FZD3: variants seen among roughly 807,000 people sequenced by gnomAD.
FZD3 encodes the protein frizzled class receptor 3.
FZD3 carries 30 observed loss-of-function variants against 60.7 expected under a neutral mutation model. That is an observed-to-expected ratio of 0.49 (90% confidence interval 0.37 to 0.67). The LOEUF (loss-of-function observed/expected upper bound fraction) is 0.67. Ranked by LOEUF, FZD3 falls within the 30% of genes least tolerant of loss-of-function variation. The pLI is 0.00. For synonymous variants in FZD3, 246 were observed against 275.2 expected (o/e 0.89, Z 1.05); for missense variants, 605 against 838.7 (o/e 0.72, Z 3.44).
At chr8:28,501,364 G>A (rs1295397629) in intron 2 of FZD3, among the ~76,000 whole-genome samples, 1 of 152,188 alleles carries the variant, frequency 6.6e-6, no homozygotes, top group African/African-American at 2.4e-5. Flanking sequence ...GTCATTGATA[G>A]TTAATGCACA....
chr8:28,526,552 T>C (rs1804719419), intron 4 of FZD3, among the ~76,000 whole-genome samples: 1 of 152,190 alleles, frequency 6.6e-6, no homozygotes, highest in South Asian at 2.1e-4. Flanking sequence ...GATTCAAGGA[T>C]AGAGATCTGT....
At chr8:28,555,280 A>G (rs1205277312) in intron 6 of FZD3, among the ~76,000 whole-genome samples, 1 of 152,222 alleles carries the variant, frequency 6.6e-6, no homozygotes, top group Non-Finnish European at 1.5e-5. Flanking sequence ...TGAAGCCTCT[A>G]CTAGTTTTAT....
intron 5 of FZD3, among the ~76,000 whole-genome samples, chr8:28,548,673 A>G (rs920932921): frequency 7.9e-5 from 12 of 152,138 alleles, no homozygotes; most frequent in Admixed American, 4.6e-4. Flanking sequence ...TTAATGATGT[A>G]TTTCTCTTCT....
intron 5 of FZD3, among the ~76,000 whole-genome samples, chr8:28,539,106 AC>A (rs1805095154): frequency 6.6e-6 from 1 of 152,090 alleles, no homozygotes; most frequent in Admixed American, 6.5e-5. Context: ...GGGATCCCCT[AC>A]CCCCGAGCGA....
At position 28,497,593 on chromosome 8, in the gene FZD3, C is replaced by A. The variant is rs558101028; in HGVS notation, c.-390-2340C>A. 2.6e-5 allele frequency among the ~76,000 whole-genome samples: 4 copies of A among 152,304 alleles called. No individual in the cohort carries two copies. In the South Asian group the frequency reaches 8.3e-4, roughly 32 times the overall value. On this transcript the variant is annotated intron_variant, in intron 1 of 7. Coordinates refer to ENST00000240093, the MANE Select transcript of FZD3 (RefSeq NM_017412.4). Reference sequence around the variant, plus strand: ...GTAACCAGCATTTACTTTGAAACAACCTTTAGATGATCTTTCTCAATTGGA... The same window carrying A: ...GTAACCAGCATTTACTTTGAAACAAACTTTAGATGATCTTTCTCAATTGGA...
rs757143113 is a variant in FZD3, at chr8:28,520,697, A to G, written c.249A>G (p.Ala83=). The stretch of plus-strand genomic sequence containing the variant: ...GGGATTTCCGGCCTTTTCTTTGTGC[A>G]CTCTACGCTCCTATTTGTATGGAAT... ...CSRDFRPFLC[A]LYAPICMEYG... Residue 83 remains alanine (A), a synonymous_variant, in exon 4 of 8, where the codon GCA becomes GCG. Coordinates refer to ENST00000240093, the MANE Select transcript of FZD3 (RefSeq NM_017412.4). 3.1e-6 allele frequency: 5 copies of G among 1,608,508 alleles called. No individual in the cohort carries two copies. Among genetic ancestry groups the G allele is most frequent in the East Asian group, 4.5e-5 (2 of 44,740 alleles).
chr8:28,562,519 G>C (rs758863441), intron 7 of FZD3, among the ~76,000 whole-genome samples: 1 of 152,034 alleles, frequency 6.6e-6, no homozygotes, highest in African/African-American at 2.4e-5. Flanking sequence ...TATCCATATC[G>C]AGTGCAGCTT....
At position 28,572,235 on chromosome 8, in the gene FZD3, T is replaced by G. The variant is rs1407144949; in HGVS notation, c.*9224T>G. 1 of 152,202 alleles carries G rather than the reference T, an allele frequency of 6.6e-6. No individual in the cohort carries two copies. The highest frequency in any genetic ancestry group is 2.4e-5 in the African/African-American group (1 of 41,448). The allele number at this position is 152,202 out of a possible 1,614,324, so 9.4% of individuals were successfully genotyped here. A position where few individuals can be genotyped will look rare whatever the true frequency, so the allele number is the denominator to read the frequency against. On this transcript the variant is annotated 3_prime_UTR_variant, in exon 8 of 8. Coordinates refer to ENST00000240093, the MANE Select transcript of FZD3 (RefSeq NM_017412.4). ...ATTATTCTGAACTATCTGAAATTGC[T>G]GGTTTTATTGGTCAAAAATGATCAG... is the stretch of plus-strand genomic sequence containing the variant.
At chr8:28,494,560 G>A (rs1364200195) in intron 1 of FZD3, among the ~76,000 whole-genome samples, 1 of 151,988 alleles carries the variant, frequency 6.6e-6, no homozygotes, top group African/African-American at 2.4e-5. Context: ...GCTGCGGAGC[G>A]GGGGCCCGGG....
At chr8:28,553,736 C>A (rs2164758) in intron 6 of FZD3, among the ~76,000 whole-genome samples, 19 of 151,986 alleles carry the variant, frequency 1.3e-4, no homozygotes, top group Non-Finnish European at 1.2e-4. Flanking sequence ...GTGGCAGCCC[C>A]TTATTCTGGC....
intron 3 of FZD3, among the ~76,000 whole-genome samples, chr8:28,515,303 G>A (rs146122450): frequency 7.9e-4 from 121 of 152,302 alleles, no homozygotes; most frequent in African/African-American, 2.9e-3. Context: ...TCAACTGAGG[G>A]ACGTAAGGCA....
rs1384016287 is a variant in FZD3, at chr8:28,570,118, T to C, written c.*7107T>C. ...CATTTGAAATATTATTAGAGATCAA[T>C]GTGGCTTGTTATTTTTAATTTTTTT... On this transcript the variant is annotated 3_prime_UTR_variant, in exon 8 of 8. Transcript: ENST00000240093. 1 of 152,226 alleles carries C rather than the reference T, an allele frequency of 6.6e-6. No individual in the cohort carries two copies. The highest frequency in any genetic ancestry group is 1.5e-5 in the Non-Finnish European group (1 of 68,030). 9.4% of individuals were successfully genotyped at this position (152,226 alleles called of 1,614,324 possible). A position where few individuals can be genotyped will look rare whatever the true frequency, so the allele number is the denominator to read the frequency against.
intron 7 of FZD3, among the ~76,000 whole-genome samples, chr8:28,556,205 G>A (rs1805505753): frequency 6.6e-6 from 1 of 152,162 alleles, no homozygotes. Flanking sequence ...AAAAGACAGG[G>A]TAAAAGTGGT....
At chr8:28,513,395 C>T (rs566941485) in intron 3 of FZD3, among the ~76,000 whole-genome samples, 34 of 152,146 alleles carry the variant, frequency 2.2e-4, no homozygotes, top group East Asian at 1.9e-4. Flanking sequence ...CATATTCTTC[C>T]GTGATAATGA....
chr8:28,504,155 C>T (rs955915627), intron 3 of FZD3, among the ~76,000 whole-genome samples: 2 of 152,050 alleles, frequency 1.3e-5, no homozygotes, highest in Non-Finnish European at 2.9e-5. Flanking sequence ...GGGAGACTAA[C>T]CTAAGTCTAA....
At position 28,557,209 on chromosome 8, in the gene FZD3, C is replaced by CA. The variant is rs34146681; in HGVS notation, c.1787+1255dup. On this transcript the variant is annotated intron_variant, in intron 7 of 7. Transcript: ENST00000240093. ...GGGCAACAAGAGCAAAACTCTGTCT[C>CA]AAAAAAAAAAAAAAAAAGAAGAAGA... is the stretch of plus-strand genomic sequence containing the variant. 1.4e-3 allele frequency among the ~76,000 whole-genome samples: 170 copies of CA among 117,866 alleles called. 1 individual carries two copies. The highest frequency in any genetic ancestry group is 0.011 in the East Asian group (48 of 4,258). 77.3% of individuals were successfully genotyped at this position (117,866 alleles called of 152,430 possible).
At chr8:28,508,809 A>G (rs889238756) in intron 3 of FZD3, among the ~76,000 whole-genome samples, 3 of 151,954 alleles carry the variant, frequency 2.0e-5, no homozygotes, top group Non-Finnish European at 2.9e-5. Context: ...ACAGATGTGA[A>G]CCACCATGCC....
chr8:28,533,646 G>T (rs2323020), intron 5 of FZD3, among the ~76,000 whole-genome samples: 80,723 of 151,812 alleles, frequency 0.53, 21,985 homozygotes, highest in South Asian at 0.63. Flanking sequence ...TGAAGTTTGG[G>T]TATCCCTGGG....
intron 7 of FZD3, among the ~76,000 whole-genome samples, chr8:28,557,632 A>G (rs1805536083): frequency 1.3e-5 from 2 of 152,072 alleles, no homozygotes; most frequent in African/African-American, 2.4e-5. Flanking sequence ...TGAAATGACT[A>G]TTTTGAATAT....
Sources: allele counts gnomAD v4.1 joint callset (sites outside exome capture counted in the v4.1 genomes callset), GRCh38; gene constraint gnomAD v4.1.1; transcripts MANE v1.5; gene names NCBI Gene and HGNC (gene_info 2026-07-23, HGNC 2026-07-21).